FHIT: variants seen among roughly 807,000 people sequenced by gnomAD.
FHIT encodes bis(5'-adenosyl)-triphosphatase.
FHIT carries 19 observed loss-of-function variants against 17.9 expected under a neutral mutation model. The ratio of observed to expected loss-of-function variants is 1.06; its 90% CI spans 0.74 to 1.56. The LOEUF (loss-of-function observed/expected upper bound fraction) is 1.56, where lower values mean the gene tolerates loss of function less well. Ranked by LOEUF, FHIT falls within the 40% of genes most tolerant of loss-of-function variation. FHIT has a pLI of 0.00. For missense variants in FHIT, 248 were observed against 189.2 expected, an observed-to-expected ratio of 1.31 and a Z score of -1.82; for synonymous variants, 81 against 69.7, an observed-to-expected ratio of 1.16 and a Z score of -0.81.
intron 4 of FHIT, among the ~76,000 whole-genome samples, chr3:60,539,433 C>T (rs1364980879): frequency 2.0e-5 from 3 of 152,248 alleles, no homozygotes; most frequent in Middle Eastern, 3.4e-3. Context: ...CCCAGCCATC[C>T]CATTACTGGG....
chr3:60,076,451 A>T (rs1212422807), intron 5 of FHIT, among the ~76,000 whole-genome samples: 1 of 151,702 alleles, frequency 6.6e-6, no homozygotes, highest in African/African-American at 2.4e-5. Context: ...CTCGTGCAAG[A>T]AAGTGAAAGT....
rs540405561 is a variant in FHIT, at chr3:60,113,288, T to C, written c.104-99136A>G. Among the ~76,000 whole-genome samples the C allele has an allele frequency of 2.6e-5, 4 of 152,304 alleles. No homozygotes were observed. The South Asian group carries it at 8.3e-4, about 32-fold the overall frequency. On this transcript the variant is annotated intron_variant, in intron 5 of 9. Transcript: ENST00000492590. ...AGCAGCATGAAACACATACCAAGCA[T>C]TCAATAAATTGTTTAATGCATAAAT...
intron 4 of FHIT, among the ~76,000 whole-genome samples, chr3:60,587,676 C>G (rs1002550286): frequency 6.6e-5 from 10 of 151,996 alleles, no homozygotes; most frequent in Non-Finnish European, 1.2e-4. Context: ...ACTAACAAGC[C>G]CATGTAGTTA....
At chr3:60,530,248 A>C (rs1434704596) in intron 5 of FHIT, among the ~76,000 whole-genome samples, 6 of 152,216 alleles carry the variant, frequency 3.9e-5, no homozygotes, top group Admixed American at 3.9e-4. Context: ...AAGGAGCCAG[A>C]AGAGTCAAGG....
intron 2 of FHIT, among the ~76,000 whole-genome samples, chr3:61,188,767 G>A (rs993313636): frequency 6.6e-6 from 1 of 152,100 alleles, no homozygotes; most frequent in Admixed American, 6.6e-5. Context: ...GGGATACAAG[G>A]CTGGTTCAAT....
At chr3:60,609,857 AC>A (rs1423449899) in intron 4 of FHIT, among the ~76,000 whole-genome samples, 1 of 152,114 alleles carries the variant, frequency 6.6e-6, no homozygotes, top group East Asian at 1.9e-4. Flanking sequence ...TATACTGCAT[AC>A]CCAAAGCACA....
chr3:60,208,781 G>C (rs1209190237), intron 5 of FHIT, among the ~76,000 whole-genome samples: 1 of 152,074 alleles, frequency 6.6e-6, no homozygotes, highest in Admixed American at 6.6e-5. Flanking sequence ...TTTCTGTGTG[G>C]GCAAAAATTT....
intron 8 of FHIT, among the ~76,000 whole-genome samples, chr3:59,797,615 A>T (rs1699829017): frequency 6.6e-6 from 1 of 152,214 alleles, no homozygotes. Flanking sequence ...TTCATCACAC[A>T]GTAACCCACC....
At chr3:60,976,292 A>C (rs1240902473) in intron 3 of FHIT, among the ~76,000 whole-genome samples, 1 of 151,126 alleles carries the variant, frequency 6.6e-6, no homozygotes, top group Non-Finnish European at 1.5e-5. Context: ...TTTTTAGTAG[A>C]GACAGGGTTT....
At chr3:60,287,329 C>T (rs913538931) in intron 5 of FHIT, among the ~76,000 whole-genome samples, 6 of 152,020 alleles carry the variant, frequency 3.9e-5, no homozygotes, top group Admixed American at 6.5e-5. Context: ...CCACCACACC[C>T]GGCTAATTTT....
chr3:60,718,416 C>G (rs1326144949), intron 4 of FHIT, among the ~76,000 whole-genome samples: 2 of 152,176 alleles, frequency 1.3e-5, no homozygotes, highest in Non-Finnish European at 2.9e-5. Flanking sequence ...AACAAAAGCA[C>G]AACTCACCCC....
intron 3 of FHIT, among the ~76,000 whole-genome samples, chr3:60,942,282 A>C (rs1208281165): frequency 2.0e-5 from 3 of 152,246 alleles, no homozygotes; most frequent in African/African-American, 7.2e-5. Flanking sequence ...AAAAGTATAC[A>C]GTAGGTATCC....
intron 5 of FHIT, among the ~76,000 whole-genome samples, chr3:60,524,518 G>A (rs2035500828): frequency 6.6e-6 from 1 of 152,182 alleles, no homozygotes; most frequent in African/African-American, 2.4e-5. Context: ...TTGGATCTGA[G>A]CGAATGTGGG....
At chr3:59,849,023 G>C (rs1372795991) in intron 8 of FHIT, among the ~76,000 whole-genome samples, 1 of 152,172 alleles carries the variant, frequency 6.6e-6, no homozygotes, top group Non-Finnish European at 1.5e-5. Context: ...TATGAGGTCA[G>C]GTTCATATCC....
intron 5 of FHIT, among the ~76,000 whole-genome samples, chr3:60,110,246 G>A (rs937118174): frequency 2.0e-5 from 3 of 152,180 alleles, no homozygotes; most frequent in Non-Finnish European, 4.4e-5. Flanking sequence ...TTCATATCAT[G>A]TAATATACTA....
chr3:59,974,621 A>G (rs888827984), intron 7 of FHIT, among the ~76,000 whole-genome samples: 1 of 152,142 alleles, frequency 6.6e-6, no homozygotes, highest in Non-Finnish European at 1.5e-5. Context: ...AGTCTATGTA[A>G]AGGCAACCAT....
intron 4 of FHIT, among the ~76,000 whole-genome samples, chr3:60,794,319 TAGAG>T (rs781901165): frequency 3.3e-5 from 5 of 151,934 alleles, no homozygotes; most frequent in Non-Finnish European, 5.9e-5. Context: ...ATATTCTAAA[TAGAG>T]AGATGATAGA....
chr3:60,576,268 C>T (rs1048731481), intron 4 of FHIT, among the ~76,000 whole-genome samples: 1 of 151,848 alleles, frequency 6.6e-6, no homozygotes, highest in Non-Finnish European at 1.5e-5. Context: ...AGGCAAGGCA[C>T]CAAACATTTC....
intron 8 of FHIT, among the ~76,000 whole-genome samples, chr3:59,858,236 C>CTTTT (rs563841299): frequency 7.9e-3 from 664 of 84,472 alleles, no homozygotes; most frequent in Non-Finnish European, 9.9e-3. Context: ...TTCCCACCTT[C>CTTTT]TTTTTTTTTT....
Sources: allele counts gnomAD v4.1 joint callset (sites outside exome capture counted in the v4.1 genomes callset), GRCh38; gene constraint gnomAD v4.1.1; transcripts MANE v1.5; gene names NCBI Gene and HGNC (gene_info 2026-07-23, HGNC 2026-07-21).